Variants in RMDN1 observed in about 807,000 individuals in gnomAD.
The protein encoded by RMDN1 is regulator of microtubule dynamics protein 1.
A neutral mutation model predicts 48.9 loss-of-function variants in RMDN1; 48 were observed. The ratio of observed to expected loss-of-function variants is 0.98; its 90% CI spans 0.78 to 1.25. RMDN1 has a LOEUF of 1.25. RMDN1 is among the 50% of genes most tolerant of loss of function. The pLI is 0.00. For synonymous variants in RMDN1, 148 were observed against 132.6 expected (o/e 1.12, Z -0.80); for missense variants, 418 against 373.4 (o/e 1.12, Z -0.98).
chr8:86,513,097 AG>A (rs1467930581), upstream of RMDN1, among the ~76,000 whole-genome samples: 2 of 151,594 alleles, frequency 1.3e-5, no homozygotes, highest in Non-Finnish European at 2.9e-5. Flanking sequence ...TTAAGAGGCC[AG>A]GCACGGTGGC....
At chr8:86,503,167 C>T (rs1185911251) in intron 2 of RMDN1, among the ~76,000 whole-genome samples, 1 of 151,944 alleles carries the variant, frequency 6.6e-6, no homozygotes, top group Non-Finnish European at 1.5e-5. Flanking sequence ...GCCTGACCAA[C>T]ATGGTGAAAC....
Position 86,488,604 on chromosome 8 carries a change from C to CAAGTATTTCTTCAACTTGTTCAAGT in RMDN1, c.282_283insACTTGAACAAGTTGAAGAAATACTT (p.Glu95ThrfsTer2), listed in dbSNP as rs781642599. ...TAAAGTTTTTCTGTTTCTCCGCTTTCATACAGGTAGTCTGCTTGTTCAAGT... is the reference window on the plus strand; with the variant it reads ...TAAAGTTTTTCTGTTTCTCCGCTTTCAAGTATTTCTTCAACTTGTTCAAGTATACAGGTAGTCTGCTTGTTCAAGT... On this transcript the variant is annotated stop_gained and frameshift_variant, in exon 3 of 10. Transcript: ENST00000406452. LOFTEE classifies it high-confidence loss of function. 1 of 1,610,692 alleles carries CAAGTATTTCTTCAACTTGTTCAAGT rather than the reference C, an allele frequency of 6.2e-7. No homozygotes were observed. The highest frequency in any genetic ancestry group is 1.3e-5 in the African/African-American group (1 of 74,752).
downstream of RMDN1, chr8:86,470,386 A>G (rs1261891960): frequency 3.1e-6 from 4 of 1,286,676 alleles, no homozygotes; most frequent in East Asian, 5.6e-5. Flanking sequence ...TCACGGACCA[A>G]TGTGACACGT....
intron 2 of RMDN1, among the ~76,000 whole-genome samples, chr8:86,502,065 C>T (rs1054027885): frequency 6.6e-6 from 1 of 151,912 alleles, no homozygotes; most frequent in African/African-American, 2.4e-5. Flanking sequence ...TGAATAAGAC[C>T]ATCTATTCAA....
upstream of RMDN1, among the ~76,000 whole-genome samples, chr8:86,512,594 C>T (rs1265299659): frequency 6.6e-6 from 1 of 152,192 alleles, no homozygotes; most frequent in Non-Finnish European, 1.5e-5. Context: ...ATCACCCTGC[C>T]TTAACTTTTC....
intron 5 of RMDN1, among the ~76,000 whole-genome samples, chr8:86,483,704 A>G (rs1814961192): frequency 1.3e-5 from 2 of 152,166 alleles, no homozygotes; most frequent in Admixed American, 6.5e-5. Context: ...TTGACACTAA[A>G]CCATAAAATT....
intron 1 of RMDN1, 76 bp downstream of exon 1, chr8:86,508,416 C>T: frequency 6.9e-7 from 1 of 1,445,872 alleles, no homozygotes; most frequent in Non-Finnish European, 9.2e-7. Flanking sequence ...CGCGGGGCCG[C>T]CACCACTTAA....
chr8:86,494,655 G>A (rs1817030030), intron 2 of RMDN1, among the ~76,000 whole-genome samples: 1 of 152,146 alleles, frequency 6.6e-6, no homozygotes, highest in African/African-American at 2.4e-5. Context: ...AACTTGTGCA[G>A]GCCTCATAGA....
intron 2 of RMDN1, among the ~76,000 whole-genome samples, chr8:86,503,366 C>CAAAA (rs1354324383): frequency 4.5e-4 from 32 of 70,466 alleles, no homozygotes; most frequent in Middle Eastern, 8.1e-3. Flanking sequence ...CAAAACAAAA[C>CAAAA]AAAACAAAAA....
intron 7 of RMDN1, 183 bp from the exon 8 acceptor site, chr8:86,477,507 A>G: frequency 1.9e-6 from 1 of 513,038 alleles, no homozygotes; most frequent in Non-Finnish European, 3.5e-6. Flanking sequence ...CACTTCAATC[A>G]TCAAGATTAC....
At chr8:86,478,857 A>AAC in intron 7 of RMDN1, 66 bp downstream of exon 7, 1 of 1,240,054 alleles carries the variant, frequency 8.1e-7, no homozygotes, top group Middle Eastern at 1.9e-4. Context: ...CACATGTGTG[A>AAC]ACACATGGTA....
In RMDN1 at chr8:86,482,817, G is replaced by C; in HGVS notation, c.585+2055C>G. 2.9e-6 allele frequency: 3 copies of C among 1,026,256 alleles called. No individual in the cohort carries two copies. The South Asian group carries it at 3.8e-5, about 13-fold the overall frequency. The allele number at this position is 1,026,256 out of a possible 1,614,324, so 63.6% of individuals were successfully genotyped here. ...TATCAGAACCCAAAATGGAGACGGAGCCATCCTTTGGGGAGGTCACTGCGA... is the reference window on the plus strand; with the variant it reads ...TATCAGAACCCAAAATGGAGACGGACCCATCCTTTGGGGAGGTCACTGCGA... On this transcript the variant is annotated intron_variant, in intron 5 of 9. Transcript: ENST00000406452.
chr8:86,508,297 A>G (rs994116644), intron 1 of RMDN1, 195 bp downstream of exon 1: 2 of 532,344 alleles, frequency 3.8e-6, no homozygotes, highest in Non-Finnish European at 6.3e-6. Context: ...CTTCTCTGAC[A>G]GCCCCAGTTA....
At chr8:86,504,830 G>A in intron 2 of RMDN1, 1 of 1,047,820 alleles carries the variant, frequency 9.5e-7, no homozygotes, top group Admixed American at 1.7e-5. Flanking sequence ...TAGTCGGACT[G>A]CTCTTCCCCT....
At chr8:86,513,352 G>A (rs1820148860), upstream of RMDN1, among the ~76,000 whole-genome samples, 1 of 152,138 alleles carries the variant, frequency 6.6e-6, no homozygotes, top group Admixed American at 6.5e-5. Flanking sequence ...TCCAGCTTGG[G>A]CAACAAGAGC....
downstream of RMDN1, chr8:86,470,353 G>A: frequency 2.3e-6 from 3 of 1,289,260 alleles, no homozygotes; most frequent in Non-Finnish European, 3.0e-6. Context: ...TCAGTAATGG[G>A]TCTCACCCTT....
intron 5 of RMDN1, among the ~76,000 whole-genome samples, chr8:86,483,865 T>G (rs1236733844): frequency 6.6e-6 from 1 of 151,502 alleles, no homozygotes; most frequent in Non-Finnish European, 1.5e-5. Flanking sequence ...TTCATCCATG[T>G]TAAGAAATAT....
At chr8:86,493,521 T>C (rs1463172262) in intron 2 of RMDN1, among the ~76,000 whole-genome samples, 1 of 152,002 alleles carries the variant, frequency 6.6e-6, no homozygotes, top group Non-Finnish European at 1.5e-5. Flanking sequence ...ATTCTGTCAT[T>C]GTGTCATTTG....
Position 86,486,370 on chromosome 8 carries a change from GA to G in RMDN1, c.495+113del, listed in dbSNP as rs373862538. 3.2e-3 allele frequency: 2,134 copies of G among 667,832 alleles called. 36 individuals are homozygous for G. In the African/African-American group the frequency reaches 0.035, roughly 11 times the overall value. The allele number at this position is 667,832 out of a possible 1,614,324, so 41.4% of individuals were successfully genotyped here. A position where few individuals can be genotyped will look rare whatever the true frequency, so the allele number is the denominator to read the frequency against. ...CTTAAGATATAAGATTGAATAAAAA[GA>G]AAAAAAAACTTAAAATAGAGAAATT... On this transcript the variant is annotated intron_variant, in intron 4 of 9. Coordinates refer to ENST00000406452, the MANE Select transcript of RMDN1 (RefSeq NM_016033.3).
Sources: gnomAD v4.1 joint callset for allele counts (sites outside exome capture counted in the v4.1 genomes callset) on GRCh38, gnomAD v4.1.1 for gene constraint, MANE v1.5 for transcripts, NCBI Gene and HGNC (gene_info 2026-07-23, HGNC 2026-07-21) for gene names.